The following GABBR2 variants were observed in gnomAD, a reference collection of about 807,000 sequenced individuals.
GABBR2 encodes the protein G-protein coupled receptor 51.
A neutral mutation model predicts 105.6 loss-of-function variants in GABBR2; 23 were observed. That is an observed-to-expected ratio of 0.22 (90% confidence interval 0.16 to 0.31). GABBR2 has a LOEUF of 0.31. GABBR2 is among the 10% of genes least tolerant of loss of function. GABBR2 has a pLI of 1.00. For missense variants in GABBR2, 734 were observed against 1,245.5 expected, an observed-to-expected ratio of 0.59 and a Z score of 6.18; for synonymous variants, 478 against 499.7, an observed-to-expected ratio of 0.96 and a Z score of 0.58.
chr9:98,584,087 T>C (rs1033439473), intron 1 of GABBR2, among the ~76,000 whole-genome samples: 1 of 152,198 alleles, frequency 6.6e-6, no homozygotes, highest in Non-Finnish European at 1.5e-5. Flanking sequence ...TGGGGGTCTG[T>C]GTCCTGGAAG....
In GABBR2 at chr9:98,340,378, G is replaced by A. The variant is rs1831190511; in HGVS notation, c.1893+22337C>T. On this transcript the variant is annotated intron_variant, in intron 13 of 18. Coordinates refer to ENST00000259455, the MANE Select transcript of GABBR2 (RefSeq NM_005458.8). ...TGTTTGGAGGCAAATGTCATCAAGA[G>A]GGTACTGTTGCTGTTGTTTACAATC... Among the ~76,000 whole-genome samples, 4 of 152,190 alleles carry A rather than the reference G, an allele frequency of 2.6e-5. No homozygotes were observed. In the South Asian group the frequency reaches 8.3e-4, roughly 32 times the overall value.
intron 17 of GABBR2, 64 bp from the exon 18 acceptor site, chr9:98,293,966 C>A: frequency 1.0e-6 from 1 of 977,998 alleles, no homozygotes; most frequent in Non-Finnish European, 1.7e-6. Context: ...ATCAACAATG[C>A]AACTTTTTGT....
At chr9:98,340,539 C>T (rs1831194330) in intron 13 of GABBR2, among the ~76,000 whole-genome samples, 1 of 152,060 alleles carries the variant, frequency 6.6e-6, no homozygotes. Context: ...AAATTACAGG[C>T]ATAAGCCACC....
At chr9:98,609,466 G>C (rs1204470520) in intron 1 of GABBR2, among the ~76,000 whole-genome samples, 1 of 152,178 alleles carries the variant, frequency 6.6e-6, no homozygotes, top group Admixed American at 6.5e-5. Context: ...GTGAACGTCG[G>C]GGAGGAGTGG....
intron 1 of GABBR2, among the ~76,000 whole-genome samples, chr9:98,602,240 G>A (rs62561781): frequency 0.19 from 29,068 of 151,048 alleles, 3,128 homozygotes; most frequent in Non-Finnish European, 0.25. Flanking sequence ...TTGGGAGGCC[G>A]AGGCAGATGG....
rs1449186952 is a variant in GABBR2, at chr9:98,293,908, T to G, written c.2543-6A>C. 2.0e-6 allele frequency: 3 copies of G among 1,515,466 alleles called. No homozygotes were observed. The highest frequency in any genetic ancestry group is 1.7e-5 in the Admixed American group (1 of 59,512). 93.9% of individuals were successfully genotyped at this position (1,515,466 alleles called of 1,614,324 possible). ...TAAAATGGCCTTTCCTCCATCTGAA[T>G]GCAAAACAACAATACCACAACATGT... On this transcript the variant is annotated splice_region_variant and splice_polypyrimidine_tract_variant and intron_variant, in intron 17 of 18. Transcript: ENST00000259455.
At chr9:98,677,589 C>T (rs1377197620) in intron 1 of GABBR2, among the ~76,000 whole-genome samples, 1 of 152,100 alleles carries the variant, frequency 6.6e-6, no homozygotes, top group African/African-American at 2.4e-5. Context: ...GGAAAATGGC[C>T]CTTAGATAAG....
At position 98,423,341 on chromosome 9, in the gene GABBR2, T is replaced by C. The variant is rs1000776771; in HGVS notation, c.1237-17200A>G. On this transcript the variant is annotated intron_variant, in intron 7 of 18. Coordinates refer to ENST00000259455, the MANE Select transcript of GABBR2 (RefSeq NM_005458.8). ...ATGGTATCTCATTGTGGTTTTGATT[T>C]GCATTTCTCTGATGGCCAGTGACGA... is the stretch of plus-strand genomic sequence containing the variant. 1.6e-4 allele frequency among the ~76,000 whole-genome samples: 25 copies of C among 152,380 alleles called. 1 individual carries two copies. The highest frequency in any genetic ancestry group is 6.2e-4 in the South Asian group (3 of 4,834).
chr9:98,641,129 GTTT>G (rs34931575), intron 1 of GABBR2, among the ~76,000 whole-genome samples: 11 of 125,266 alleles, frequency 8.8e-5, no homozygotes, highest in African/African-American at 2.9e-4. Flanking sequence ...CTGTGGTTTG[GTTT>G]TTTTTTTTTT....
chr9:98,474,501 G>A (rs984255258), intron 5 of GABBR2, among the ~76,000 whole-genome samples: 2 of 152,184 alleles, frequency 1.3e-5, no homozygotes, highest in African/African-American at 4.8e-5. Flanking sequence ...AGTGACTACA[G>A]AGAGCAGGGG....
At chr9:98,663,896 T>C (rs1460525635) in intron 1 of GABBR2, among the ~76,000 whole-genome samples, 2 of 152,176 alleles carry the variant, frequency 1.3e-5, no homozygotes, top group African/African-American at 4.8e-5. Context: ...TTTTGAGGAT[T>C]GTTAAATACA....
At chr9:98,510,059 A>G (rs947235526) in intron 3 of GABBR2, among the ~76,000 whole-genome samples, 3 of 152,276 alleles carry the variant, frequency 2.0e-5, no homozygotes, top group Non-Finnish European at 4.4e-5. Context: ...CCATCAGACT[A>G]ACAGCTGATC....
intron 1 of GABBR2, among the ~76,000 whole-genome samples, chr9:98,687,340 A>G (rs1290235473): frequency 6.6e-6 from 1 of 152,052 alleles, no homozygotes; most frequent in East Asian, 1.9e-4. Context: ...AAGTCAGGCC[A>G]GGGAGATCAG....
intron 7 of GABBR2, among the ~76,000 whole-genome samples, chr9:98,438,185 ATC>A (rs879563724): frequency 0.041 from 4,655 of 112,320 alleles, 123 homozygotes; most frequent in African/African-American, 0.097. Flanking sequence ...CCATCCATCC[ATC>A]CATCCATCCA....
At chr9:98,372,478 C>G (rs1831801717) in intron 11 of GABBR2, among the ~76,000 whole-genome samples, 1 of 152,260 alleles carries the variant, frequency 6.6e-6, no homozygotes. Context: ...TCTCCCTCAG[C>G]TCTGTTGAGC....
At position 98,530,659 on chromosome 9, in the gene GABBR2, C is replaced by A. The variant is rs4355908; in HGVS notation, c.630+11214G>T. Among the ~76,000 whole-genome samples the A allele has an allele frequency of 1.2e-4, 19 of 152,016 alleles. 1 individual carries two copies. The South Asian group carries it at 4.0e-3, about 32-fold the overall frequency. ...AAATAACCAGGCGCGGTGGCGTGTG[C>A]CTGTAGTCTCAGCTATTTGGGAACC... is the stretch of plus-strand genomic sequence containing the variant. On this transcript the variant is annotated intron_variant, in intron 3 of 18. Coordinates refer to ENST00000259455, the MANE Select transcript of GABBR2 (RefSeq NM_005458.8).
At chr9:98,613,082 C>CAGTT (rs1180303735) in intron 1 of GABBR2, among the ~76,000 whole-genome samples, 1 of 152,108 alleles carries the variant, frequency 6.6e-6, no homozygotes, top group Non-Finnish European at 1.5e-5. Flanking sequence ...CAAACATGGC[C>CAGTT]AGTTATTCAC....
At chr9:98,691,552 T>A (rs537843531) in intron 1 of GABBR2, among the ~76,000 whole-genome samples, 1 of 152,208 alleles carries the variant, frequency 6.6e-6, no homozygotes, top group South Asian at 2.1e-4. Flanking sequence ...AAGCCAGGAC[T>A]TTGCGGAGGC....
intron 13 of GABBR2, among the ~76,000 whole-genome samples, chr9:98,317,185 C>A (rs190257999): frequency 6.6e-6 from 1 of 152,318 alleles, no homozygotes; most frequent in Admixed American, 6.5e-5. Flanking sequence ...TCCTGCCTGG[C>A]AGGGCACCGT....
Sources: allele counts gnomAD v4.1 joint callset (sites outside exome capture counted in the v4.1 genomes callset), GRCh38; gene constraint gnomAD v4.1.1; transcripts MANE v1.5; gene names NCBI Gene and HGNC (gene_info 2026-07-23, HGNC 2026-07-21).